Variants in DYRK1A observed in about 807,000 individuals in gnomAD.
DYRK1A encodes dual specificity tyrosine-phosphorylation-regulated kinase 1A.
In DYRK1A, 9 loss-of-function variants were observed where a neutral mutation model predicts 79.7. That is an observed-to-expected ratio of 0.11 (90% CI 0.07 to 0.20). The LOEUF (loss-of-function observed/expected upper bound fraction) is 0.20, where lower values mean the gene tolerates loss of function less well. DYRK1A is among the 10% of genes least tolerant of loss of function. The pLI, the probability that DYRK1A is intolerant of heterozygous loss-of-function variation, is 1.00. For synonymous variants in DYRK1A, 349 were observed against 329.7 expected, an observed-to-expected ratio of 1.06 and a Z score of -0.63; for missense variants, 622 against 956.0, an observed-to-expected ratio of 0.65 and a Z score of 4.61.
chr21:37,392,391 A>G (rs762990323), intron 1 of DYRK1A, among the ~76,000 whole-genome samples: 6 of 152,212 alleles, frequency 3.9e-5, no homozygotes, highest in Non-Finnish European at 8.8e-5. Context: ...CATTTATAAA[A>G]TTATTATTTG....
chr21:37,491,681 A>G (rs1273134078), intron 7 of DYRK1A, among the ~76,000 whole-genome samples: 1 of 152,230 alleles, frequency 6.6e-6, no homozygotes, highest in Non-Finnish European at 1.5e-5. Context: ...TCAAAAAATC[A>G]AGAGATGCTC....
chr21:37,380,864 C>T (rs1450441808), intron 1 of DYRK1A, among the ~76,000 whole-genome samples: 1 of 152,168 alleles, frequency 6.6e-6, no homozygotes, highest in African/African-American at 2.4e-5. Context: ...TCACCAGTCT[C>T]TGGATCATGT....
In DYRK1A at chr21:37,505,437, A is replaced by G. The variant is rs2053567193; in HGVS notation, c.1367A>G (p.Lys456Arg). ...TTAAGGATGCTTGATTATGACCCCA[A>G]AACTCGAATTCAACCTTATTATGCT... ...LILRMLDYDP[K>R]TRIQPYYALQ... The change falls in exon 10 of 12, where the codon AAA becomes AGA. Residue 456 changes from lysine to arginine, a missense_variant. Around this residue, in one of 5 missense-constraint regions of DYRK1A, gnomAD observed 80 missense variants for 116.5 expected, o/e 0.69. Transcript: ENST00000647188. 1 of 1,614,204 alleles carries G rather than the reference A, an allele frequency of 6.2e-7. No homozygotes were observed. Among genetic ancestry groups the G allele is most frequent in the Non-Finnish European group, 8.5e-7 (1 of 1,180,040 alleles).
intron 2 of DYRK1A, among the ~76,000 whole-genome samples, chr21:37,424,606 T>C (rs2050567470): frequency 6.6e-6 from 1 of 152,192 alleles, no homozygotes; most frequent in Admixed American, 6.5e-5. Context: ...TTGCTGTTAC[T>C]TTGAACTTGG....
intron 4 of DYRK1A, 140 bp downstream of exon 4, chr21:37,478,440 A>C (rs1227128477): frequency 1.6e-6 from 1 of 621,262 alleles, no homozygotes; most frequent in Non-Finnish European, 2.7e-6. Context: ...ATGATTTAGA[A>C]ATAATATTAC....
intron 2 of DYRK1A, among the ~76,000 whole-genome samples, chr21:37,465,093 G>A (rs1474169328): frequency 2.0e-5 from 3 of 152,170 alleles, no homozygotes; most frequent in South Asian, 2.1e-4. Flanking sequence ...AGCACACCTC[G>A]TTTATATACC....
chr21:37,438,361 T>A (rs2050987551), intron 2 of DYRK1A, among the ~76,000 whole-genome samples: 1 of 152,208 alleles, frequency 6.6e-6, no homozygotes, highest in African/African-American at 2.4e-5. Context: ...AAGCTGCTTT[T>A]GGAAAGTTTT....
At chr21:37,424,687 T>G (rs1411306386) in intron 2 of DYRK1A, among the ~76,000 whole-genome samples, 1 of 152,240 alleles carries the variant, frequency 6.6e-6, no homozygotes, top group African/African-American at 2.4e-5. Context: ...GTATGCTTAT[T>G]TCCTAGTTAA....
chr21:37,463,372 A>G (rs893597993), intron 2 of DYRK1A, among the ~76,000 whole-genome samples: 3 of 152,152 alleles, frequency 2.0e-5, no homozygotes, highest in Non-Finnish European at 4.4e-5. Flanking sequence ...TCACTTTAAT[A>G]TATATTTATT....
At chr21:37,400,409 C>T (rs1353989383) in intron 1 of DYRK1A, among the ~76,000 whole-genome samples, 1 of 152,206 alleles carries the variant, frequency 6.6e-6, no homozygotes, top group Admixed American at 6.5e-5. Context: ...GCTTATCACA[C>T]TCCTATAAAT....
chr21:37,382,600 C>T (rs1312354683), intron 1 of DYRK1A, among the ~76,000 whole-genome samples: 2 of 152,144 alleles, frequency 1.3e-5, no homozygotes, highest in African/African-American at 2.4e-5. Flanking sequence ...AACCTTTTGG[C>T]AGATTATTTT....
chr21:37,437,464 C>A (rs1276463199), intron 2 of DYRK1A, among the ~76,000 whole-genome samples: 1 of 152,048 alleles, frequency 6.6e-6, no homozygotes, highest in African/African-American at 2.4e-5. Context: ...TTTAAAACAG[C>A]TTTATTGTGT....
chr21:37,435,020 C>G (rs1401332585), intron 2 of DYRK1A, among the ~76,000 whole-genome samples: 1 of 152,196 alleles, frequency 6.6e-6, no homozygotes, highest in African/African-American at 2.4e-5. Flanking sequence ...AACAAATGCA[C>G]TACTTTAACT....
chr21:37,487,984 G>A lies in DYRK1A; in HGVS notation c.637+1370G>A, dbSNP rs192456252. On this transcript the variant is annotated intron_variant, in intron 6 of 11. Coordinates refer to ENST00000647188, the MANE Select transcript of DYRK1A (RefSeq NM_001347721.2). Reference sequence around the variant, plus strand: ...GACTTACACAATGATCTCTGAACATGCCTCCTGCCTTCTCCTCACTCTTGA... The same window carrying A: ...GACTTACACAATGATCTCTGAACATACCTCCTGCCTTCTCCTCACTCTTGA... 1.2e-4 allele frequency: 18 copies of A among 152,162 alleles called. No homozygotes were observed. The East Asian group carries it at 3.5e-3, about 29-fold the overall frequency. 9.4% of individuals were successfully genotyped at this position (152,162 alleles called of 1,614,324 possible).
intron 5 of DYRK1A, among the ~76,000 whole-genome samples, chr21:37,484,968 C>T (rs2052802415): frequency 6.6e-6 from 1 of 152,170 alleles, no homozygotes; most frequent in African/African-American, 2.4e-5. Flanking sequence ...GTCAGACTTT[C>T]TCCACATTCT....
At chr21:37,414,105 C>G (rs923352288) in intron 1 of DYRK1A, among the ~76,000 whole-genome samples, 1 of 151,944 alleles carries the variant, frequency 6.6e-6, no homozygotes, top group Non-Finnish European at 1.5e-5. Context: ...AGCAGAGATT[C>G]CAACACCAAA....
rs1252988369 is a variant in DYRK1A at position 37,517,321 on chromosome 21, C to G, written c.*4790C>G. On this transcript the variant is annotated 3_prime_UTR_variant, in exon 12 of 12. Coordinates refer to ENST00000647188, the MANE Select transcript of DYRK1A (RefSeq NM_001347721.2). ...TGTTCGCATGGGAGGCCGGGCGATG[C>G]TGGCATGGGTGTGGTTGGCCGAGTT... is the stretch of plus-strand genomic sequence containing the variant. 6.6e-6 allele frequency: 1 copy of G among 152,286 alleles called. No homozygotes were observed. The highest frequency in any genetic ancestry group is 2.4e-5 in the African/African-American group (1 of 41,434). The allele number at this position is 152,286 out of a possible 1,614,324, so 9.4% of individuals were successfully genotyped here. A position where few individuals can be genotyped will look rare whatever the true frequency, so the allele number is the denominator to read the frequency against.
intron 1 of DYRK1A, among the ~76,000 whole-genome samples, chr21:37,372,448 C>G (rs75656675): frequency 8.5e-6 from 1 of 117,242 alleles, no homozygotes; most frequent in African/African-American, 3.1e-5. Context: ...AGCACTGTCT[C>G]AAAAAAAAAA....
In DYRK1A at chr21:37,524,433, A is replaced by T. The variant is rs1242257338; in HGVS notation, c.*11902A>T. On this transcript the variant is annotated 3_prime_UTR_variant, in exon 12 of 12. Transcript: ENST00000647188. ...AAATAAAAAATGAAAATGAAGCTAC[A>T]ACCAAAGTAAGTTTCAGATGGCTCA... is the stretch of plus-strand genomic sequence containing the variant. 6.6e-6 allele frequency: 1 copy of T among 152,262 alleles called. No individual in the cohort carries two copies. Among genetic ancestry groups the T allele is most frequent in the African/African-American group, 2.4e-5 (1 of 41,468 alleles). The allele number at this position is 152,262 out of a possible 1,614,324, so 9.4% of individuals were successfully genotyped here. A position where few individuals can be genotyped will look rare whatever the true frequency, so the allele number is the denominator to read the frequency against.
Sources: allele counts gnomAD v4.1 joint callset (sites outside exome capture counted in the v4.1 genomes callset), GRCh38; gene constraint gnomAD v4.1.1; regional missense constraint gnomAD v4.1.1; transcripts MANE v1.5; gene names NCBI Gene and HGNC (gene_info 2026-07-23, HGNC 2026-07-21).